EFCAB6: variants seen among roughly 807,000 people sequenced by gnomAD.
The protein encoded by EFCAB6 is EF-hand calcium binding domain 6, also known as EF-hand calcium-binding domain-containing protein 6.
In EFCAB6, 156 loss-of-function variants were observed where a neutral mutation model predicts 169.8. That is an observed-to-expected ratio of 0.92 (90% confidence interval 0.81 to 1.05). The LOEUF (loss-of-function observed/expected upper bound fraction) is 1.05, where lower values mean the gene tolerates loss of function less well. Among genes scored for constraint, EFCAB6 ranks in the 50% least tolerant of loss-of-function variants. The probability of loss-of-function intolerance (pLI) is 0.00; values close to 1 mark genes in which losing one functional copy is unlikely to be tolerated. For synonymous variants in EFCAB6, 698 were observed against 676.4 expected, an observed-to-expected ratio of 1.03 and a Z score of -0.50; for missense variants, 1,800 against 1,829.1, an observed-to-expected ratio of 0.98 and a Z score of 0.29.
intron 2 of EFCAB6, among the ~76,000 whole-genome samples, chr22:43,806,442 C>T (rs2062926782): frequency 6.6e-6 from 1 of 151,956 alleles, no homozygotes; most frequent in South Asian, 2.1e-4. Context: ...GGCAGGGTTT[C>T]ACCATGTTAC....
chr22:43,731,680 A>G lies in EFCAB6; in HGVS notation c.757+19T>C. On this transcript the variant is annotated intron_variant, in intron 8 of 31. Coordinates refer to ENST00000262726, the MANE Select transcript of EFCAB6 (RefSeq NM_022785.4). The stretch of plus-strand genomic sequence containing the variant: ...AAAAGATATTGAAATCTTTAGCTAT[A>G]TACTTTAAAAATACTTACCTTGATT... 6.8e-7 allele frequency: 1 copy of G among 1,471,748 alleles called. No homozygotes were observed. Among genetic ancestry groups the G allele is most frequent in the Non-Finnish European group, 9.3e-7 (1 of 1,076,778 alleles). The allele number at this position is 1,471,748 out of a possible 1,614,324, so 91.2% of individuals were successfully genotyped here.
At chr22:43,730,259 A>AGGG (rs1556311626) in intron 8 of EFCAB6, among the ~76,000 whole-genome samples, 1 of 816 alleles carries the variant, frequency 1.2e-3, no homozygotes, top group Non-Finnish European at 2.3e-3. Flanking sequence ...GGGAAGGAGG[A>AGGG]AAGGGAGCGA....
chr22:43,627,492 G>A (rs1046901648), intron 19 of EFCAB6, among the ~76,000 whole-genome samples: 2 of 152,216 alleles, frequency 1.3e-5, no homozygotes, highest in Admixed American at 1.3e-4. Context: ...ATTTGCTAAT[G>A]ATGCAAAGTG....
chr22:43,574,933 T>C (rs527298873), intron 26 of EFCAB6, among the ~76,000 whole-genome samples: 7 of 152,178 alleles, frequency 4.6e-5, no homozygotes, highest in Non-Finnish European at 1.0e-4. Context: ...CTGTACATTG[T>C]ACAACCACTT....
rs76236852 is a variant in EFCAB6 at position 43,795,547 on chromosome 22, C to T, written c.-7-13222G>A. ...TCTGCCTTGAGACCTCCTGGAACAT[C>T]ACTTTCTGGAGAGGCTTCTCTGACC... On this transcript the variant is annotated intron_variant, in intron 2 of 31. Coordinates refer to ENST00000262726, the MANE Select transcript of EFCAB6 (RefSeq NM_022785.4). The surrounding 1 kb of genome is among the most constrained non-coding windows in gnomAD (Gnocchi z 4.2). Among the ~76,000 whole-genome samples, 1 of 150,790 alleles carries T rather than the reference C, an allele frequency of 6.6e-6. No individual in the cohort carries two copies. The highest frequency in any genetic ancestry group is 2.0e-4 in the East Asian group (1 of 4,958).
intron 13 of EFCAB6, among the ~76,000 whole-genome samples, chr22:43,675,707 G>A (rs1278068327): frequency 6.8e-6 from 1 of 146,638 alleles, no homozygotes; most frequent in African/African-American, 2.5e-5. Context: ...ATAAAGTGAT[G>A]CAAAAAAGCA....
At position 43,537,593 on chromosome 22, in the gene EFCAB6, G is replaced by T; in HGVS notation, c.3880-48C>A. ...GCTCTTTTCACTTAAGATTTAAAAC[G>T]GAAGTCATCAAAAATACCTCAATAC... On this transcript the variant is annotated intron_variant, in intron 28 of 31. Transcript: ENST00000262726. The surrounding 1 kb of genome is among the most constrained non-coding windows in gnomAD (Gnocchi z 4.3). 1 of 1,559,472 alleles carries T rather than the reference G, an allele frequency of 6.4e-7. No individual in the cohort carries two copies. The highest frequency in any genetic ancestry group is 8.7e-7 in the Non-Finnish European group (1 of 1,149,682).
At chr22:43,725,095 T>C (rs1038470652) in intron 8 of EFCAB6, among the ~76,000 whole-genome samples, 8 of 150,180 alleles carry the variant, frequency 5.3e-5, no homozygotes, top group East Asian at 2.0e-4. Flanking sequence ...GAAGAAAGCA[T>C]CACAGGGCAA....
chr22:43,764,268 A>G (rs1165763844), intron 5 of EFCAB6, among the ~76,000 whole-genome samples: 1 of 151,526 alleles, frequency 6.6e-6, no homozygotes, highest in African/African-American at 2.4e-5. Flanking sequence ...CATGTACCCA[A>G]TGTGTAGCTC....
chr22:43,658,557 G>C (rs1015634462), intron 17 of EFCAB6, among the ~76,000 whole-genome samples: 1 of 152,178 alleles, frequency 6.6e-6, no homozygotes, highest in Admixed American at 6.5e-5. Context: ...GCAGGGGATC[G>C]AAGCCCAGGG....
At chr22:43,683,054 T>C (rs561520475) in intron 12 of EFCAB6, among the ~76,000 whole-genome samples, 39 of 152,258 alleles carry the variant, frequency 2.6e-4, no homozygotes, top group Non-Finnish European at 4.9e-4. Context: ...AGGCTGATGC[T>C]GAGCTAAGGG....
At chr22:43,691,807 C>T (rs1018879781) in intron 10 of EFCAB6, among the ~76,000 whole-genome samples, 6 of 152,072 alleles carry the variant, frequency 3.9e-5, no homozygotes, top group East Asian at 1.9e-4. Flanking sequence ...CAGATAATCA[C>T]GATAAAATCT....
intron 10 of EFCAB6, among the ~76,000 whole-genome samples, chr22:43,688,757 C>T (rs1029415674): frequency 6.6e-6 from 1 of 152,220 alleles, no homozygotes; most frequent in African/African-American, 2.4e-5. Context: ...GTCACAAACA[C>T]CTTCTGTGAC....
At chr22:43,602,622 A>G (rs538229980) in intron 22 of EFCAB6, among the ~76,000 whole-genome samples, 1 of 152,264 alleles carries the variant, frequency 6.6e-6, no homozygotes, top group South Asian at 2.1e-4. Context: ...ACTCTGGTCA[A>G]GACGCCCTCT....
chr22:43,740,692 T>G (rs2060335983), intron 6 of EFCAB6, among the ~76,000 whole-genome samples: 2 of 152,180 alleles, frequency 1.3e-5, no homozygotes, highest in South Asian at 2.1e-4. Context: ...GAATACTGAG[T>G]GCAGCCGAGA....
chr22:43,626,771 C>A, intron 19 of EFCAB6, 92 bp from the exon 20 acceptor site: 3 of 1,175,102 alleles, frequency 2.6e-6, no homozygotes, highest in Non-Finnish European at 3.7e-6. Context: ...CATCTCCACG[C>A]GAGGAGGGGC....
At chr22:43,627,637 T>TG (rs2054619916) in intron 19 of EFCAB6, among the ~76,000 whole-genome samples, 2 of 152,120 alleles carry the variant, frequency 1.3e-5, no homozygotes, top group Non-Finnish European at 2.9e-5. Context: ...GCTTCCCGGG[T>TG]CTCAGGCCTG....
intron 17 of EFCAB6, among the ~76,000 whole-genome samples, chr22:43,653,753 G>T (rs1041128480): frequency 6.6e-6 from 1 of 152,120 alleles, no homozygotes; most frequent in Non-Finnish European, 1.5e-5. Flanking sequence ...GCTTGAGAGG[G>T]AGCGATTTCT....
chr22:43,554,706 CAG>C (rs2048594047), intron 27 of EFCAB6, 161 bp downstream of exon 27: 1 of 640,704 alleles, frequency 1.6e-6, no homozygotes, highest in African/African-American at 1.8e-5. Flanking sequence ...GTTACATAAA[CAG>C]AAGATTCCTG....
Sources: gnomAD v4.1 joint callset for allele counts (sites outside exome capture counted in the v4.1 genomes callset) on GRCh38, gnomAD v4.1.1 for gene constraint, Gnocchi (gnomAD v3.1) non-coding constraint, MANE v1.5 for transcripts, NCBI Gene and HGNC (gene_info 2026-07-23, HGNC 2026-07-21) for gene names.